Variants in CNMD observed in about 807,000 individuals in gnomAD.
CNMD encodes chondromodulin, also known as leukocyte cell-derived chemotaxin 1.
CNMD carries 30 observed loss-of-function variants against 37.5 expected under a neutral mutation model. The observed-to-expected ratio is 0.80, with a 90% CI of 0.60 to 1.09. The LOEUF (loss-of-function observed/expected upper bound fraction) is 1.09, where lower values mean the gene tolerates loss of function less well. CNMD is among the 50% of genes least tolerant of loss of function. The pLI is 0.00. For synonymous variants in CNMD, 167 were observed against 148.2 expected, an observed-to-expected ratio of 1.13 and a Z score of -0.92; for missense variants, 398 against 423.9, an observed-to-expected ratio of 0.94 and a Z score of 0.54.
rs540247502 is a variant in CNMD at position 52,733,829 on chromosome 13, G to A, written c.214-470C>T. 1.6e-4 allele frequency among the ~76,000 whole-genome samples: 24 copies of A among 152,346 alleles called. 1 individual carries two copies. The South Asian group carries it at 3.9e-3, about 25-fold the overall frequency. On this transcript the variant is annotated intron_variant, in intron 2 of 6. Transcript: ENST00000377962. Reference sequence around the variant, plus strand: ...GTTAATTGGGCTCCCAGCTGAACACGTCTGCAGTGGCACCTCAGTTTCACA... The same window carrying A: ...GTTAATTGGGCTCCCAGCTGAACACATCTGCAGTGGCACCTCAGTTTCACA...
intron 2 of CNMD, among the ~76,000 whole-genome samples, chr13:52,735,654 G>A (rs1198419469): frequency 6.7e-6 from 1 of 149,134 alleles, no homozygotes. Flanking sequence ...TAACACTAAC[G>A]ATAGCTGATG....
chr13:52,710,648 A>G (rs1341622174), intron 5 of CNMD, among the ~76,000 whole-genome samples: 1 of 152,222 alleles, frequency 6.6e-6, no homozygotes, highest in Non-Finnish European at 1.5e-5. Flanking sequence ...TGTAAAATAT[A>G]ACTGTACTTA....
intron 2 of CNMD, among the ~76,000 whole-genome samples, chr13:52,737,719 CAA>C (rs1171546688): frequency 6.6e-6 from 1 of 152,182 alleles, no homozygotes; most frequent in Non-Finnish European, 1.5e-5. Flanking sequence ...CAGAATTTCC[CAA>C]AGAGATGACA....
At chr13:52,704,946 C>T (rs1240772083) in intron 6 of CNMD, among the ~76,000 whole-genome samples, 1 of 151,972 alleles carries the variant, frequency 6.6e-6, no homozygotes, top group Non-Finnish European at 1.5e-5. Flanking sequence ...GTAATTCCAG[C>T]TACTCAGGAG....
At chr13:52,736,517 G>T (rs1035843637) in intron 2 of CNMD, among the ~76,000 whole-genome samples, 2 of 152,186 alleles carry the variant, frequency 1.3e-5, no homozygotes, top group African/African-American at 4.8e-5. Context: ...GGAGGATGTG[G>T]GGGGAGGAGG....
chr13:52,716,848 C>G, intron 4 of CNMD, among the ~76,000 whole-genome samples: 1 of 152,034 alleles, frequency 6.6e-6, no homozygotes, highest in East Asian at 1.9e-4. Flanking sequence ...TTTGGTTCCA[C>G]GTGAAATTTA....
At chr13:52,724,918 C>T (rs1964547995) in intron 3 of CNMD, among the ~76,000 whole-genome samples, 2 of 151,930 alleles carry the variant, frequency 1.3e-5, no homozygotes, top group Non-Finnish European at 2.9e-5. Flanking sequence ...AACAAACAAA[C>T]AAGAATAGAG....
chr13:52,729,377 G>A (rs936035272), intron 3 of CNMD, among the ~76,000 whole-genome samples: 3 of 152,288 alleles, frequency 2.0e-5, no homozygotes, highest in African/African-American at 7.2e-5. Context: ...ACCCAGTGTT[G>A]TTTTATATGT....
At chr13:52,718,778 G>A (rs1331328505) in intron 4 of CNMD, among the ~76,000 whole-genome samples, 1 of 152,122 alleles carries the variant, frequency 6.6e-6, no homozygotes, top group Non-Finnish European at 1.5e-5. Context: ...ATTGTGATGT[G>A]GTGCTGAGAA....
At chr13:52,706,742 TGTGTGTGTCTGTGG>T (rs1964183281) in intron 6 of CNMD, among the ~76,000 whole-genome samples, 7 of 148,608 alleles carry the variant, frequency 4.7e-5, no homozygotes, top group African/African-American at 1.3e-4. Flanking sequence ...TGTGTGTATG[TGTGTGTGTCTGTGG>T]GTGTGTACTT....
chr13:52,721,541 A>G (rs1964481902), intron 4 of CNMD, among the ~76,000 whole-genome samples: 1 of 152,188 alleles, frequency 6.6e-6, no homozygotes, highest in Non-Finnish European at 1.5e-5. Context: ...CTTGGCTAGC[A>G]GGGGGAGTTC....
intron 3 of CNMD, among the ~76,000 whole-genome samples, chr13:52,724,417 CAAAAAAA>C (rs71094319): frequency 7.0e-5 from 6 of 85,850 alleles, no homozygotes; most frequent in East Asian, 3.5e-4. Context: ...ACTAAAAATA[CAAAAAAA>C]AAAAAAAAAA....
intron 6 of CNMD, among the ~76,000 whole-genome samples, chr13:52,708,321 A>G (rs572538549): frequency 1.3e-5 from 2 of 151,912 alleles, no homozygotes; most frequent in South Asian, 4.2e-4. Flanking sequence ...AGCTGGGATT[A>G]CAGGCGTGTG....
chr13:52,713,015 T>TTCTA (rs1027406976), intron 4 of CNMD, 146 bp from the exon 5 acceptor site: 6 of 507,064 alleles, frequency 1.2e-5, no homozygotes, highest in Admixed American at 4.0e-5. Context: ...CACTTTAAGG[T>TTCTA]TCTAATCTCT....
chr13:52,712,835 T>C lies in CNMD; in HGVS notation c.503A>G (p.Asn168Ser). 6.3e-7 allele frequency: 1 copy of C among 1,583,950 alleles called. No individual in the cohort carries two copies. The highest frequency in any genetic ancestry group is 8.6e-7 in the Non-Finnish European group (1 of 1,166,598). The change falls in exon 5 of 7, where the codon AAT becomes AGT. Residue 168 changes from asparagine (N) to serine (S), a missense_variant. Transcript: ENST00000377962. The stretch of plus-strand genomic sequence containing the variant: ...ATCTACAGCCACCCAGATAAGAGAA[T>C]TTTCTTCATATTTGACTGGCATGAT... ...GKIMPVKYEE[N>S]SLIWVAVDQP...
intron 5 of CNMD, among the ~76,000 whole-genome samples, chr13:52,711,473 A>T (rs1366463755): frequency 2.0e-5 from 3 of 152,146 alleles, no homozygotes; most frequent in Non-Finnish European, 4.4e-5. Flanking sequence ...GCCCCTGCTG[A>T]CTGAGTTTGG....
At chr13:52,710,011 G>A (rs1964266447) in intron 5 of CNMD, among the ~76,000 whole-genome samples, 1 of 152,106 alleles carries the variant, frequency 6.6e-6, no homozygotes, top group Non-Finnish European at 1.5e-5. Flanking sequence ...GGATTTTGGT[G>A]TCTCTCTGAG....
chr13:52,712,255 A>C (rs1450774734), intron 5 of CNMD, among the ~76,000 whole-genome samples: 1 of 152,200 alleles, frequency 6.6e-6, no homozygotes, highest in African/African-American at 2.4e-5. Context: ...CAAGCTCTGA[A>C]CTTGAGAGGA....
chr13:52,703,858 T>A (rs746357585), intron 6 of CNMD, 48 bp from the exon 7 acceptor site: 1 of 1,491,382 alleles, frequency 6.7e-7, no homozygotes, highest in Non-Finnish European at 9.3e-7. Context: ...AGTGGGAAGG[T>A]CATAGCATGC....
Sources: allele counts gnomAD v4.1 joint callset (sites outside exome capture counted in the v4.1 genomes callset), GRCh38; gene constraint gnomAD v4.1.1; transcripts MANE v1.5; gene names NCBI Gene and HGNC (gene_info 2026-07-23, HGNC 2026-07-21).